The following TTC39C variants were observed in gnomAD, a reference collection of about 807,000 sequenced individuals.
TTC39C encodes tetratricopeptide repeat protein 39C.
Under a neutral mutation model 76.3 loss-of-function variants are expected in TTC39C, and 33 were observed. The ratio of observed to expected loss-of-function variants is 0.43; its 90% CI spans 0.33 to 0.58. The LOEUF (loss-of-function observed/expected upper bound fraction) is 0.58, where lower values mean the gene tolerates loss of function less well. TTC39C is among the 20% of genes least tolerant of loss of function. TTC39C has a pLI of 0.04. For missense variants in TTC39C, 595 were observed against 701.4 expected (o/e 0.85, Z 1.71); for synonymous variants, 254 against 260.6 (o/e 0.97, Z 0.24).
chr18:24,001,966 C>A (rs898823866), intron 1 of TTC39C, among the ~76,000 whole-genome samples: 1 of 151,870 alleles, frequency 6.6e-6, no homozygotes, highest in Non-Finnish European at 1.5e-5. Context: ...GCTGGGACTA[C>A]AGGCGCCCGC....
At chr18:24,024,005 TATATATA>T (rs2083563358) in intron 1 of TTC39C, among the ~76,000 whole-genome samples, 2 of 19,892 alleles carry the variant, frequency 1.0e-4, no homozygotes, top group African/African-American at 3.3e-4. Context: ...TATATATATA[TATATATA>T]TATATTTTTT....
At chr18:24,101,994 C>T (rs1277211220) in intron 6 of TTC39C, among the ~76,000 whole-genome samples, 1 of 152,196 alleles carries the variant, frequency 6.6e-6, no homozygotes, top group African/African-American at 2.4e-5. Context: ...GGGTCTTCAA[C>T]TTACTGGCCC....
At chr18:24,086,439 C>T (rs1412943230) in intron 6 of TTC39C, among the ~76,000 whole-genome samples, 1 of 152,128 alleles carries the variant, frequency 6.6e-6, no homozygotes, top group Non-Finnish European at 1.5e-5. Flanking sequence ...CTTTGCCTTT[C>T]GTTGTTTGGG....
chr18:24,112,798 T>C (rs1027532260), intron 6 of TTC39C, among the ~76,000 whole-genome samples: 1 of 152,234 alleles, frequency 6.6e-6, no homozygotes, highest in Admixed American at 6.5e-5. Flanking sequence ...GCTGAACCCC[T>C]AATGCTGTGA....
At chr18:24,027,721 G>A (rs999577454) in intron 1 of TTC39C, among the ~76,000 whole-genome samples, 23 of 152,012 alleles carry the variant, frequency 1.5e-4, no homozygotes, top group African/African-American at 4.6e-4. Context: ...CACCACACCC[G>A]GCTAATTTTT....
Position 24,014,928 on chromosome 18 carries a change from G to T in TTC39C, c.57G>T (p.Ala19=), listed in dbSNP as rs921627522. Residue 19 remains alanine (A), a synonymous_variant, in exon 1 of 14, where the codon GCG becomes GCT. Transcript: ENST00000317571. ...PRRRDDGDSD[A]AAAAAAPLQD... ...GGCGGGACGACGGAGACTCGGACGC[G>T]GCAGCGGCGGCGGCGGCGCCCCTGC... The T allele has an allele frequency of 6.6e-7, 1 of 1,522,824 alleles. No individual in the cohort carries two copies. Among genetic ancestry groups the T allele is most frequent in the Non-Finnish European group, 8.8e-7 (1 of 1,135,188 alleles). The allele number at this position is 1,522,824 out of a possible 1,614,324, so 94.3% of individuals were successfully genotyped here. A position where few individuals can be genotyped will look rare whatever the true frequency, so the allele number is the denominator to read the frequency against.
intron 1 of TTC39C, among the ~76,000 whole-genome samples, chr18:24,037,511 A>T (rs1004642984): frequency 6.6e-6 from 1 of 152,174 alleles, no homozygotes; most frequent in African/African-American, 2.4e-5. Flanking sequence ...AAATGTGTGG[A>T]TTCCTTGTGA....
At chr18:24,045,280 A>AAAAAAAAT (rs1383444695) in intron 1 of TTC39C, among the ~76,000 whole-genome samples, 1 of 151,128 alleles carries the variant, frequency 6.6e-6, no homozygotes, top group Non-Finnish European at 1.5e-5. Flanking sequence ...AAAAAAAAAA[A>AAAAAAAAT]AAAGCATGTA....
intron 2 of TTC39C, among the ~76,000 whole-genome samples, chr18:24,065,580 C>T (rs1568424642): frequency 6.6e-6 from 1 of 152,212 alleles, no homozygotes; most frequent in East Asian, 1.9e-4. Flanking sequence ...TGAAGATTTT[C>T]CAGGTGTACC....
At chr18:24,014,614 G>C, upstream of TTC39C, 1 of 354,562 alleles carries the variant, frequency 2.8e-6, no homozygotes, top group African/African-American at 2.2e-5. Context: ...CGGAGGGCGC[G>C]AGAGGAGCGG....
intron 6 of TTC39C, among the ~76,000 whole-genome samples, chr18:24,093,747 G>A (rs377213357): frequency 1.8e-4 from 28 of 152,290 alleles, no homozygotes; most frequent in African/African-American, 6.7e-4. Context: ...GTGTGCAGTA[G>A]CATTATGTCT....
chr18:24,090,547 GTGTCTGTCAC>G, intron 6 of TTC39C, among the ~76,000 whole-genome samples: 1 of 152,098 alleles, frequency 6.6e-6, no homozygotes, highest in South Asian at 2.1e-4. Flanking sequence ...ATTGAATGCA[GTGTCTGTCAC>G]AATCACAGCA....
At chr18:24,053,894 G>A (rs1447691068) in intron 1 of TTC39C, among the ~76,000 whole-genome samples, 1 of 151,968 alleles carries the variant, frequency 6.6e-6, no homozygotes. Flanking sequence ...ATTTTTCTTG[G>A]CACAGTGGGG....
rs2145837380 is a variant in TTC39C, at chr18:24,134,072, T to G, written c.*1498T>G. ...CAGTATTCATATTTCTTCATCTCTG[T>G]TACTGACCACTTTTCAGTAGACTGT... On this transcript the variant is annotated 3_prime_UTR_variant, in exon 14 of 14. Transcript: ENST00000317571. The G allele has an allele frequency of 6.5e-6, 1 of 154,772 alleles. No individual in the cohort carries two copies. The highest frequency in any genetic ancestry group is 1.5e-5 in the Non-Finnish European group (1 of 68,204). 9.6% of individuals were successfully genotyped at this position (154,772 alleles called of 1,614,324 possible). A position where few individuals can be genotyped will look rare whatever the true frequency, so the allele number is the denominator to read the frequency against.
chr18:24,091,661 A>G (rs1176607773), intron 6 of TTC39C, among the ~76,000 whole-genome samples: 3 of 152,222 alleles, frequency 2.0e-5, no homozygotes, highest in Admixed American at 6.5e-5. Flanking sequence ...TATAAACAAT[A>G]CAATCAAGAA....
At chr18:24,014,215 G>C (rs1196531800), upstream of TTC39C, among the ~76,000 whole-genome samples, 1 of 152,252 alleles carries the variant, frequency 6.6e-6, no homozygotes, top group Non-Finnish European at 1.5e-5. Flanking sequence ...TCGCGGGCGC[G>C]GGCTGCGTGG....
chr18:24,100,391 A>T (rs1212478886), intron 6 of TTC39C, among the ~76,000 whole-genome samples: 1 of 152,188 alleles, frequency 6.6e-6, no homozygotes, highest in Non-Finnish European at 1.5e-5. Context: ...TGGCCGAGTG[A>T]CCTTGGCCCT....
At chr18:24,007,184 T>C (rs2083360345) in intron 1 of TTC39C, among the ~76,000 whole-genome samples, 1 of 152,232 alleles carries the variant, frequency 6.6e-6, no homozygotes, top group Non-Finnish European at 1.5e-5. Flanking sequence ...GGAATTATTT[T>C]ATATTAGCAA....
intron 6 of TTC39C, among the ~76,000 whole-genome samples, chr18:24,089,444 T>G (rs546664591): frequency 3.6e-4 from 55 of 152,180 alleles, no homozygotes; most frequent in Non-Finnish European, 7.2e-4. Flanking sequence ...AAAAAGGAGG[T>G]TTCTGTTTAT....
Sources: gnomAD v4.1 joint callset for allele counts (sites outside exome capture counted in the v4.1 genomes callset) on GRCh38, gnomAD v4.1.1 for gene constraint, MANE v1.5 for transcripts, NCBI Gene and HGNC (gene_info 2026-07-23, HGNC 2026-07-21) for gene names.